PRKN: variants seen among roughly 807,000 people sequenced by gnomAD.
PRKN encodes E3 ubiquitin-protein ligase parkin.
PRKN carries 56 observed loss-of-function variants against 59.5 expected under a neutral mutation model. The observed-to-expected ratio is 0.94, with a 90% CI of 0.76 to 1.18. The LOEUF (loss-of-function observed/expected upper bound fraction) is 1.18, where lower values mean the gene tolerates loss of function less well. Among genes scored for constraint, PRKN ranks in the 50% most tolerant of loss-of-function variants. The pLI is 0.00. For missense variants in PRKN, 657 were observed against 596.4 expected (o/e 1.10, Z -1.06); for synonymous variants, 250 against 222.1 (o/e 1.13, Z -1.12).
At chr6:162,073,473 G>C (rs1458098973) in intron 4 of PRKN, among the ~76,000 whole-genome samples, 4 of 152,090 alleles carry the variant, frequency 2.6e-5, no homozygotes, top group African/African-American at 9.7e-5. Context: ...TGTTTTCTGA[G>C]ACAGGGTCTC....
In PRKN at chr6:161,588,028, G is replaced by A. The variant is rs1216293961; in HGVS notation, c.872-18612C>T. On this transcript the variant is annotated intron_variant, in intron 7 of 11. Transcript: ENST00000366898. This position sits in a 1 kb window ranked among gnomAD's most constrained non-coding sequence, Gnocchi z 5.0. ...AATTTTAGCTCTTGGGACTGCTACA[G>A]AAATATTCTATAAGCATTAATAAGA... Among the ~76,000 whole-genome samples the A allele has an allele frequency of 1.3e-5, 2 of 152,148 alleles. No homozygotes were observed. Among genetic ancestry groups the A allele is most frequent in the African/African-American group, 4.8e-5 (2 of 41,428 alleles).
In PRKN at chr6:161,502,083, G is replaced by T. The variant is rs141435350; in HGVS notation, c.1083+46771C>A. On this transcript the variant is annotated intron_variant, in intron 9 of 11. Coordinates refer to ENST00000366898, the MANE Select transcript of PRKN (RefSeq NM_004562.3). The surrounding 1 kb of genome is among the most constrained non-coding windows in gnomAD (Gnocchi z 4.0). ...CATCTGGGCATAAAAGCTTTTTTAT[G>T]AGTTGTGTTAAAAACTGCTTTTTGT... is the stretch of plus-strand genomic sequence containing the variant. Among the ~76,000 whole-genome samples the T allele has an allele frequency of 7.4e-4, 113 of 152,254 alleles. No homozygotes were observed. Among genetic ancestry groups the T allele is most frequent in the African/African-American group, 2.6e-3 (109 of 41,572 alleles).
At chr6:162,389,870 A>T (rs1787070727) in intron 2 of PRKN, among the ~76,000 whole-genome samples, 1 of 152,202 alleles carries the variant, frequency 6.6e-6, no homozygotes, top group African/African-American at 2.4e-5. Flanking sequence ...CACTAGGGTA[A>T]CAACCCCATG....
intron 7 of PRKN, among the ~76,000 whole-genome samples, chr6:161,769,770 A>G (rs1789586305): frequency 6.6e-6 from 1 of 152,144 alleles, no homozygotes; most frequent in African/African-American, 2.4e-5. Flanking sequence ...GGAGATATGG[A>G]CCAGGCCCAG....
At chr6:162,239,679 T>C (rs1778903880) in intron 3 of PRKN, among the ~76,000 whole-genome samples, 1 of 152,098 alleles carries the variant, frequency 6.6e-6, no homozygotes, top group Non-Finnish European at 1.5e-5. Context: ...AAAAGCCTCC[T>C]GAGAATTCTG....
At chr6:161,640,188 GA>G (rs1783687178) in intron 7 of PRKN, among the ~76,000 whole-genome samples, 1 of 152,134 alleles carries the variant, frequency 6.6e-6, no homozygotes, top group Admixed American at 6.5e-5. Flanking sequence ...TCATTCATAT[GA>G]AAATACTTTT....
chr6:162,229,516 T>C (rs914591288), intron 3 of PRKN, among the ~76,000 whole-genome samples: 3 of 152,214 alleles, frequency 2.0e-5, no homozygotes, highest in African/African-American at 7.2e-5. Flanking sequence ...TTTAGAAACA[T>C]GAATTAGAGC....
chr6:161,816,509 A>G (rs1382548223), intron 6 of PRKN, among the ~76,000 whole-genome samples: 1 of 152,192 alleles, frequency 6.6e-6, no homozygotes, highest in Non-Finnish European at 1.5e-5. Context: ...TTTATCACAC[A>G]CCACTTATAC....
chr6:161,679,859 A>C (rs1785247284), intron 7 of PRKN, among the ~76,000 whole-genome samples: 1 of 139,820 alleles, frequency 7.2e-6, no homozygotes, highest in Non-Finnish European at 1.5e-5. Context: ...GGTTAACACC[A>C]TTCTCCTGCC....
intron 4 of PRKN, among the ~76,000 whole-genome samples, chr6:162,079,908 G>T (rs1778990430): frequency 6.6e-6 from 1 of 152,080 alleles, no homozygotes; most frequent in African/African-American, 2.4e-5. Flanking sequence ...TTGGAAAAAT[G>T]AATTCTCAAC....
chr6:162,224,469 A>T (rs1332497217), intron 3 of PRKN, among the ~76,000 whole-genome samples: 1 of 152,174 alleles, frequency 6.6e-6, no homozygotes, highest in Non-Finnish European at 1.5e-5. Context: ...CAATGCCAAG[A>T]TCACCTAACG....
Position 162,496,781 on chromosome 6 carries a change from A to G in PRKN, c.8-53308T>C, listed in dbSNP as rs183006464. On this transcript the variant is annotated intron_variant, in intron 1 of 11. Transcript: ENST00000366898. Reference sequence around the variant, plus strand: ...AATAAGTGCCTAGCAGAAAAGAGACACTTTAGACGCAATTGATAAATTGTA... The same window carrying G: ...AATAAGTGCCTAGCAGAAAAGAGACGCTTTAGACGCAATTGATAAATTGTA... Among the ~76,000 whole-genome samples, 550 of 152,310 alleles carry G rather than the reference A, an allele frequency of 3.6e-3. 4 individuals carry two copies. The highest frequency in any genetic ancestry group is 0.013 in the African/African-American group (523 of 41,578).
In PRKN at chr6:161,539,151, T is replaced by C. The variant is rs189199584; in HGVS notation, c.1083+9703A>G. On this transcript the variant is annotated intron_variant, in intron 9 of 11. Coordinates refer to ENST00000366898, the MANE Select transcript of PRKN (RefSeq NM_004562.3). ...AATACAGATATGTGCAAAGTTGCAT[T>C]GGGATACGTTTTCCTATAACGTAAG... Among the ~76,000 whole-genome samples, 173 of 152,384 alleles carry C rather than the reference T, an allele frequency of 1.1e-3. 2 individuals carry two copies. Among genetic ancestry groups the C allele is most frequent in the Admixed American group, 1.2e-3 (18 of 15,310 alleles).
chr6:162,628,541 G>C (rs1782985637), intron 1 of PRKN, among the ~76,000 whole-genome samples: 1 of 152,226 alleles, frequency 6.6e-6, no homozygotes, highest in Non-Finnish European at 1.5e-5. Context: ...TATCTCAGAA[G>C]TGAAGATCTC....
At chr6:161,885,138 A>C (rs1251062311) in intron 6 of PRKN, among the ~76,000 whole-genome samples, 1 of 150,012 alleles carries the variant, frequency 6.7e-6, no homozygotes, top group East Asian at 2.0e-4. Context: ...GAAAAACTAA[A>C]AAAAAAAAAA....
chr6:161,491,996 C>T (rs1017969115), intron 9 of PRKN, among the ~76,000 whole-genome samples: 1 of 152,122 alleles, frequency 6.6e-6, no homozygotes, highest in Non-Finnish European at 1.5e-5. Context: ...CATTACCTTC[C>T]TCATAGGATT....
At position 162,620,092 on chromosome 6, in the gene PRKN, A is replaced by G. The variant is rs78714440; in HGVS notation, c.7+107570T>C. Among the ~76,000 whole-genome samples the G allele has an allele frequency of 2.9e-3, 443 of 152,098 alleles. 2 individuals carry two copies. The highest frequency in any genetic ancestry group is 0.01 in the African/African-American group (433 of 41,480). ...TGCACGTGCATTCTGCTTGTCTTCT[A>G]TGGAAGATAAAGAATTGAGGGATGT... On this transcript the variant is annotated intron_variant, in intron 1 of 11. Coordinates refer to ENST00000366898, the MANE Select transcript of PRKN (RefSeq NM_004562.3).
chr6:162,520,413 G>A (rs1778039112), intron 1 of PRKN, among the ~76,000 whole-genome samples: 1 of 152,098 alleles, frequency 6.6e-6, no homozygotes, highest in South Asian at 2.1e-4. Context: ...TTCTTTTGCT[G>A]TTTGTTTGTA....
chr6:162,613,952 CCAGGAAATATA>C (rs1380433395), intron 1 of PRKN, among the ~76,000 whole-genome samples: 2 of 151,910 alleles, frequency 1.3e-5, no homozygotes, highest in Non-Finnish European at 2.9e-5. Context: ...TGAGAGGGTT[CCAGGAAATATA>C]CAGCTAATAT....
Sources: allele counts gnomAD v4.1 joint callset (sites outside exome capture counted in the v4.1 genomes callset), GRCh38; gene constraint gnomAD v4.1.1; non-coding constraint Gnocchi (gnomAD v3.1); transcripts MANE v1.5; gene names NCBI Gene and HGNC (gene_info 2026-07-23, HGNC 2026-07-21).